The following PTCSC3 variants were observed in gnomAD, a reference collection of about 807,000 sequenced individuals.
PTCSC3 encodes papillary thyroid carcinoma susceptibility candidate 3 (non-protein coding).
At chr14:36,162,258 GAAAAAAAA>G (rs58223160) in intron 2 of PTCSC3, among the ~76,000 whole-genome samples, 7,078 of 106,480 alleles carry the variant, frequency 0.066, 299 homozygotes, top group African/African-American at 0.075. Flanking sequence ...CTGGGGTATG[GAAAAAAAA>G]AAAAAAAAAA....
At chr14:36,135,929 G>GTATA (rs143134615), downstream of PTCSC3, among the ~76,000 whole-genome samples, 1 of 150,554 alleles carries the variant, frequency 6.6e-6, no homozygotes, top group Non-Finnish European at 1.5e-5. Flanking sequence ...ATGTGTGTGT[G>GTATA]TATATATATA....
At chr14:36,163,635 T>G (rs1473962582) in intron 1 of PTCSC3, among the ~76,000 whole-genome samples, 1 of 152,354 alleles carries the variant, frequency 6.6e-6, no homozygotes, top group East Asian at 1.9e-4. Context: ...CTAGAAGGGC[T>G]TTTGCCAGAA....
intron 3 of PTCSC3, among the ~76,000 whole-genome samples, chr14:36,151,411 C>G (rs944161607): frequency 2.0e-5 from 3 of 151,994 alleles, no homozygotes; most frequent in African/African-American, 7.2e-5. Context: ...CGATCTTTGG[C>G]TTGGTGTTTC....
At chr14:36,153,609 T>C (rs1169133) in intron 3 of PTCSC3, among the ~76,000 whole-genome samples, 97,294 of 151,962 alleles carry the variant, frequency 0.64, 31,497 homozygotes, top group Middle Eastern at 0.69. Context: ...AAAATTCACT[T>C]CTAGGTTTAC....
intron 1 of PTCSC3, among the ~76,000 whole-genome samples, chr14:36,163,417 C>T (rs144600997): frequency 6.7e-6 from 1 of 149,448 alleles, no homozygotes; most frequent in Admixed American, 6.6e-5. Flanking sequence ...AACTAGACAC[C>T]ATGGAGGAAA....
intron 2 of PTCSC3, among the ~76,000 whole-genome samples, chr14:36,157,018 A>G (rs1594451818): frequency 6.6e-6 from 1 of 151,938 alleles, no homozygotes; most frequent in African/African-American, 2.4e-5. Flanking sequence ...GAACTAATTT[A>G]CCCTCCCACC....
intron 1 of PTCSC3, among the ~76,000 whole-genome samples, chr14:36,162,912 G>A (rs893640621): frequency 6.6e-6 from 1 of 152,128 alleles, no homozygotes; most frequent in African/African-American, 2.4e-5. Flanking sequence ...TCTCTTCAAC[G>A]GAAGTGTTTT....
intron 3 of PTCSC3, among the ~76,000 whole-genome samples, chr14:36,148,418 C>T (rs997475362): frequency 5.3e-5 from 8 of 152,084 alleles, no homozygotes; most frequent in Admixed American, 2.0e-4. Flanking sequence ...TGGGAGTGAC[C>T]CGATTTTCCA....
At chr14:36,161,025 G>T (rs568918273) in intron 2 of PTCSC3, among the ~76,000 whole-genome samples, 2 of 152,136 alleles carry the variant, frequency 1.3e-5, no homozygotes, top group South Asian at 2.1e-4. Context: ...ATTGATACTT[G>T]TGTATGCTTC....
intron 3 of PTCSC3, among the ~76,000 whole-genome samples, chr14:36,150,088 T>C (rs1881688156): frequency 6.6e-6 from 1 of 152,210 alleles, no homozygotes; most frequent in African/African-American, 2.4e-5. Flanking sequence ...AGTAGGATTA[T>C]TGTTGGGTCT....
chr14:36,147,565 A>G (rs1881605932), intron 3 of PTCSC3, among the ~76,000 whole-genome samples: 1 of 151,926 alleles, frequency 6.6e-6, no homozygotes, highest in Non-Finnish European at 1.5e-5. Flanking sequence ...ACATTCTTCT[A>G]AATTTTTTTC....
At chr14:36,159,610 G>T (rs1192776991) in intron 2 of PTCSC3, among the ~76,000 whole-genome samples, 1 of 152,134 alleles carries the variant, frequency 6.6e-6, no homozygotes, top group African/African-American at 2.4e-5. Flanking sequence ...ATGAGATATT[G>T]TTTGTTATGA....
intron 1 of PTCSC3, among the ~76,000 whole-genome samples, chr14:36,163,566 A>G (rs1286768196): frequency 6.6e-6 from 1 of 152,244 alleles, no homozygotes; most frequent in African/African-American, 2.4e-5. Context: ...TCCAGAGGTC[A>G]GGACCACATG....
chr14:36,139,140 AG>A lies in PTCSC3; in HGVS notation n.323-2785del, dbSNP rs71124741. On this transcript the variant is annotated intron_variant and non_coding_transcript_variant, in intron 3 of 3. Coordinates refer to ENST00000556013, the Ensembl canonical transcript of PTCSC3. ...AAAATAAAAAAAAAAAAAAAAAAAA[AG>A]AAATGCATATATGTCCATACAAAGA... Among the ~76,000 whole-genome samples the A allele has an allele frequency of 4.9e-3, 654 of 133,188 alleles. 25 individuals are homozygous for A. The highest frequency in any genetic ancestry group is 8.5e-3 in the African/African-American group (316 of 37,396). The allele number at this position is 133,188 out of a possible 152,430, so 87.4% of individuals were successfully genotyped here.
rs557743909 is a variant in PTCSC3, at chr14:36,160,323, G to A, written n.231+2301C>T. ...ATTGATGCAGTTTCTTCATAGTGTC[G>A]ATGGTCTTTACTATTTGGTATGTTT... is the stretch of plus-strand genomic sequence containing the variant. On this transcript the variant is annotated intron_variant and non_coding_transcript_variant, in intron 2 of 3. Coordinates refer to ENST00000556013, the Ensembl canonical transcript of PTCSC3. Among the ~76,000 whole-genome samples the A allele has an allele frequency of 6.6e-5, 10 of 152,230 alleles. No individual in the cohort carries two copies. In the East Asian group the frequency reaches 7.7e-4, roughly 12 times the overall value.
intron 2 of PTCSC3, among the ~76,000 whole-genome samples, chr14:36,156,374 C>T (rs988037922): frequency 1.6e-4 from 25 of 152,184 alleles, no homozygotes; most frequent in African/African-American, 6.0e-4. Flanking sequence ...AGTATGGGTA[C>T]ATTTACTTTG....
chr14:36,161,367 T>C lies in PTCSC3; in HGVS notation n.231+1257A>G, dbSNP rs181022224. On this transcript the variant is annotated intron_variant and non_coding_transcript_variant, in intron 2 of 3. Transcript: ENST00000556013. ...CCTCATCTTTGTGGATTTATCTACC[T>C]TTGGTCTTTGATGCTGGTGACTTTT... Among the ~76,000 whole-genome samples, 287 of 152,326 alleles carry C rather than the reference T, an allele frequency of 1.9e-3. 2 individuals are homozygous for C. The highest frequency in any genetic ancestry group is 6.8e-3 in the Middle Eastern group (2 of 294).
chr14:36,135,275 A>G (rs763669365), downstream of PTCSC3, among the ~76,000 whole-genome samples: 17 of 152,132 alleles, frequency 1.1e-4, no homozygotes, highest in Non-Finnish European at 1.8e-4. Flanking sequence ...TTTAGTTTGT[A>G]TGTGTGTGTG....
At chr14:36,159,641 C>G (rs1293469062) in intron 2 of PTCSC3, among the ~76,000 whole-genome samples, 2 of 152,140 alleles carry the variant, frequency 1.3e-5, no homozygotes, top group Non-Finnish European at 2.9e-5. Context: ...TTTGCATTTG[C>G]TGAGGAGTGT....
Sources: gnomAD v4.1 joint callset for allele counts (sites outside exome capture counted in the v4.1 genomes callset) on GRCh38, gnomAD v4.1.1 for gene constraint, MANE v1.5 for transcripts, NCBI Gene and HGNC (gene_info 2026-07-23, HGNC 2026-07-21) for gene names.